USP34: variants seen among roughly 807,000 people sequenced by gnomAD.
USP34 encodes ubiquitin carboxyl-terminal hydrolase 34.
USP34 carries 70 observed loss-of-function variants against 460.3 expected under a neutral mutation model. The observed-to-expected ratio is 0.15, with a 90% CI of 0.13 to 0.19. The LOEUF (loss-of-function observed/expected upper bound fraction) is 0.19. Among genes scored for constraint, USP34 ranks in the 10% least tolerant of loss-of-function variants. The probability of loss-of-function intolerance (pLI) is 1.00; values close to 1 mark genes in which losing one functional copy is unlikely to be tolerated. For synonymous variants in USP34, 1,647 were observed against 1,405.3 expected, an observed-to-expected ratio of 1.17 and a Z score of -3.85; for missense variants, 3,985 against 4,236.2, an observed-to-expected ratio of 0.94 and a Z score of 1.65.
At chr2:61,306,515 C>T (rs767253677) in intron 27 of USP34, among the ~76,000 whole-genome samples, 20 of 152,172 alleles carry the variant, frequency 1.3e-4, no homozygotes, top group Admixed American at 2.0e-4. Flanking sequence ...ATGCCTCCAG[C>T]TTTGTTCTTT....
Position 61,470,843 on chromosome 2 carries a change from G to A in USP34, c.-151C>T. On this transcript the variant is annotated 5_prime_UTR_variant, in exon 1 of 80. Coordinates refer to ENST00000398571, the MANE Select transcript of USP34 (RefSeq NM_014709.4). ...CGGGCGGCGGCGGGGACGGGGCGGG[G>A]AGCAAGAGAATGGGGGAGGGGGCCG... 2 of 331,782 alleles carry A rather than the reference G, an allele frequency of 6.0e-6. No individual in the cohort carries two copies. Among genetic ancestry groups the A allele is most frequent in the South Asian group, 2.6e-5 (1 of 38,418 alleles). The allele number at this position is 331,782 out of a possible 1,614,324, so 20.6% of individuals were successfully genotyped here.
chr2:61,286,627 C>T (rs1211661063), intron 34 of USP34, among the ~76,000 whole-genome samples: 2 of 152,058 alleles, frequency 1.3e-5, no homozygotes, highest in African/African-American at 4.8e-5. Flanking sequence ...TGCACTTCAG[C>T]TTGGGCAACA....
rs143122469 is a variant in USP34 at position 61,273,347 on chromosome 2, G to A, written c.5433+4818C>T. On this transcript the variant is annotated intron_variant, in intron 41 of 79. Transcript: ENST00000398571. Reference sequence around the variant, plus strand: ...AGTAACACAATTTTATTTTTTTAAAGAACTAGATGAACTGATTCTAAAGTT... The same window carrying A: ...AGTAACACAATTTTATTTTTTTAAAAAACTAGATGAACTGATTCTAAAGTT... Among the ~76,000 whole-genome samples the A allele has an allele frequency of 3.5e-3, 529 of 152,126 alleles. 2 individuals carry two copies. The highest frequency in any genetic ancestry group is 0.011 in the African/African-American group (438 of 41,518).
intron 10 of USP34, among the ~76,000 whole-genome samples, chr2:61,357,270 A>G: frequency 6.6e-6 from 1 of 152,232 alleles, no homozygotes; most frequent in East Asian, 1.9e-4. Context: ...GAAGCTGAAA[A>G]TCAGTACCAG....
intron 27 of USP34, among the ~76,000 whole-genome samples, chr2:61,309,625 C>G (rs1172995750): frequency 6.6e-6 from 1 of 152,184 alleles, no homozygotes; most frequent in African/African-American, 2.4e-5. Flanking sequence ...GATTCCTGCT[C>G]TCACCTCCAT....
At chr2:61,216,146 A>G (rs902079153) in intron 67 of USP34, among the ~76,000 whole-genome samples, 13 of 152,074 alleles carry the variant, frequency 8.5e-5, no homozygotes, top group African/African-American at 3.1e-4. Flanking sequence ...ACAATACTCC[A>G]TTTTCTAGAT....
At position 61,280,347 on chromosome 2, in the gene USP34, A is replaced by G; in HGVS notation, c.5153T>C (p.Ile1718Thr). ...PDAQALKPIR[I>T]DDYEEEPILK... is the part of the protein sequence containing the mutation. ...TATTGGTTCTTCCTCATAATCATCT[A>G]TCTATTAAAAAAATTTTATACTTTG... The change falls in exon 39 of 80, where the codon ATA (isoleucine) becomes ACA (threonine). Residue 1718 changes from isoleucine to threonine, a missense_variant and splice_region_variant. Ile to Thr is a moderately conservative substitution (Grantham distance 89). Around this residue, in one of 14 missense-constraint regions of USP34, gnomAD observed 1,114 missense variants for 1,122.5 expected, o/e 0.99. Transcript: ENST00000398571. 6 of 1,454,322 alleles carry G rather than the reference A, an allele frequency of 4.1e-6. No homozygotes were observed. The highest frequency in any genetic ancestry group is 5.5e-6 in the Non-Finnish European group (6 of 1,090,630). 90.1% of individuals were successfully genotyped at this position (1,454,322 alleles called of 1,614,324 possible).
rs546692373 is a variant in USP34 at position 61,320,924 on chromosome 2, C to G, written c.3014-1597G>C. 3.7e-4 allele frequency among the ~76,000 whole-genome samples: 56 copies of G among 152,062 alleles called. No individual in the cohort carries two copies. In the South Asian group the frequency reaches 8.7e-3, roughly 24 times the overall value. ...ACTCGGGAGGATAAGGCACGAGAAT[C>G]GCTGGAACCCGGGAGGTGGAGGTTG... On this transcript the variant is annotated intron_variant, in intron 21 of 79. Transcript: ENST00000398571.
At chr2:61,211,219 T>C (rs1294225776) in intron 69 of USP34, among the ~76,000 whole-genome samples, 1 of 152,202 alleles carries the variant, frequency 6.6e-6, no homozygotes. Flanking sequence ...AAGTCTTAGA[T>C]GTAATACATA....
chr2:61,467,080 T>C (rs916474241), intron 1 of USP34, among the ~76,000 whole-genome samples: 4 of 151,636 alleles, frequency 2.6e-5, no homozygotes, highest in African/African-American at 7.3e-5. Flanking sequence ...CGGAAGCGGG[T>C]AGATCACACG....
At chr2:61,199,604 GACATATTAAAGATTT>G (rs1229063851) in intron 75 of USP34, among the ~76,000 whole-genome samples, 2 of 152,156 alleles carry the variant, frequency 1.3e-5, no homozygotes, top group Non-Finnish European at 2.9e-5. Context: ...TCTAAAGAGT[GACATATTAAAGATTT>G]GCCCCATAGA....
At chr2:61,329,241 G>A (rs768848533) in intron 20 of USP34, among the ~76,000 whole-genome samples, 2 of 151,836 alleles carry the variant, frequency 1.3e-5, no homozygotes, top group Non-Finnish European at 2.9e-5. Flanking sequence ...GGTCAGGCTG[G>A]TCCGGAACTC....
At chr2:61,289,767 T>C (rs573868283) in intron 33 of USP34, among the ~76,000 whole-genome samples, 3 of 152,234 alleles carry the variant, frequency 2.0e-5, no homozygotes, top group South Asian at 4.1e-4. Context: ...AATTCAATAT[T>C]GCATACACAA....
intron 62 of USP34, 48 bp from the exon 63 acceptor site, chr2:61,223,344 C>G: frequency 1.9e-6 from 3 of 1,548,124 alleles, no homozygotes; most frequent in Non-Finnish European, 2.7e-6. Flanking sequence ...TTCTGTATTA[C>G]TTTACAGCGA....
At chr2:61,423,980 T>C (rs1694437582) in intron 1 of USP34, among the ~76,000 whole-genome samples, 1 of 151,976 alleles carries the variant, frequency 6.6e-6, no homozygotes, top group African/African-American at 2.4e-5. Context: ...ACAAAATAAA[T>C]AAAATAAATG....
At chr2:61,360,028 C>A (rs191564462) in intron 10 of USP34, among the ~76,000 whole-genome samples, 32 of 152,038 alleles carry the variant, frequency 2.1e-4, no homozygotes, top group Admixed American at 2.1e-3. Flanking sequence ...CACGATCCAC[C>A]CGCCTCAGCT....
intron 5 of USP34, among the ~76,000 whole-genome samples, chr2:61,390,383 T>A (rs562493847): frequency 6.6e-6 from 1 of 152,360 alleles, no homozygotes; most frequent in East Asian, 1.9e-4. Context: ...GAGAAACTTG[T>A]ATGCCTCCAT....
chr2:61,394,304 A>C (rs1297244245), intron 5 of USP34, among the ~76,000 whole-genome samples: 1 of 152,128 alleles, frequency 6.6e-6, no homozygotes. Flanking sequence ...TAAAGTAACC[A>C]ATAACCTAAA....
At chr2:61,218,894 C>T (rs556139765) in intron 67 of USP34, among the ~76,000 whole-genome samples, 54 of 152,236 alleles carry the variant, frequency 3.5e-4, no homozygotes, top group African/African-American at 1.2e-3. Context: ...CTTTATCACC[C>T]GGCTGAGTTG....
Sources: gnomAD v4.1 joint callset for allele counts (sites outside exome capture counted in the v4.1 genomes callset) on GRCh38, gnomAD v4.1.1 for gene constraint, gnomAD v4.1.1 regional missense constraint, MANE v1.5 for transcripts, NCBI Gene and HGNC (gene_info 2026-07-23, HGNC 2026-07-21) for gene names.